Variants in FREM2 observed in about 807,000 individuals in gnomAD.
The protein encoded by FREM2 is FRAS1 related extracellular matrix 2.
Under a neutral mutation model 219.9 loss-of-function variants are expected in FREM2, and 119 were observed. The observed-to-expected ratio is 0.54, with a 90% confidence interval of 0.47 to 0.63. The LOEUF is 0.63. FREM2 is among the 30% of genes least tolerant of loss of function. The pLI is 0.00. For missense variants in FREM2, 4,030 were observed against 3,993.6 expected (o/e 1.01, Z -0.25); for synonymous variants, 1,562 against 1,522.8 (o/e 1.03, Z -0.60).
chr13:38,878,530 A>G (rs568923718), intron 22 of FREM2, among the ~76,000 whole-genome samples: 187 of 151,604 alleles, frequency 1.2e-3, no homozygotes, highest in African/African-American at 4.4e-3. Flanking sequence ...ATTTTAAAAA[A>G]TTAGCCGAGC....
At chr13:38,837,269 C>T (rs1876749543) in intron 6 of FREM2, among the ~76,000 whole-genome samples, 1 of 152,102 alleles carries the variant, frequency 6.6e-6, no homozygotes, top group Non-Finnish European at 1.5e-5. Flanking sequence ...GTTTCTTAAT[C>T]CTGAGTTCTA....
chr13:38,693,398 G>A (rs1014535154), intron 1 of FREM2, among the ~76,000 whole-genome samples: 1 of 152,196 alleles, frequency 6.6e-6, no homozygotes, highest in Admixed American at 6.5e-5. Context: ...CGGTCTTTAG[G>A]CAACAGGATT....
chr13:38,749,562 A>T (rs1872640284), intron 2 of FREM2, among the ~76,000 whole-genome samples: 1 of 152,136 alleles, frequency 6.6e-6, no homozygotes, highest in Non-Finnish European at 1.5e-5. Context: ...TTGGGGCCAG[A>T]TAATTCTAAT....
intron 3 of FREM2, among the ~76,000 whole-genome samples, chr13:38,766,312 GTGGGGTTAACGGCAGTTCTACAAAGGCTC>G (rs1356428068): frequency 6.6e-6 from 1 of 151,916 alleles, no homozygotes; most frequent in Non-Finnish European, 1.5e-5. Context: ...TTCTACGAAT[GTGGGGTTAACGGCAGTTCTACAAAGGCTC>G]ATAGGCTTTA....
At chr13:38,784,270 G>T (rs1874237179) in intron 5 of FREM2, among the ~76,000 whole-genome samples, 1 of 152,186 alleles carries the variant, frequency 6.6e-6, no homozygotes, top group African/African-American at 2.4e-5. Context: ...GTAAGCTTTA[G>T]AATAGTAGGG....
chr13:38,874,422 CTG>C, intron 17 of FREM2, 58 bp from the exon 18 acceptor site: 1 of 1,317,928 alleles, frequency 7.6e-7, no homozygotes, highest in Non-Finnish European at 1.1e-6. Context: ...TGGAAGGAAT[CTG>C]TACATAAGGG....
At chr13:38,869,162 G>A (rs1260434551) in intron 16 of FREM2, among the ~76,000 whole-genome samples, 2 of 152,188 alleles carry the variant, frequency 1.3e-5, no homozygotes, top group Non-Finnish European at 2.9e-5. Flanking sequence ...TTTTTTAAAT[G>A]TGTTCTTAGT....
intron 6 of FREM2, among the ~76,000 whole-genome samples, chr13:38,789,070 CA>C (rs1361250833): frequency 6.6e-6 from 1 of 151,838 alleles, no homozygotes; most frequent in African/African-American, 2.4e-5. Context: ...AGTATTTTTG[CA>C]TGTATATGGG....
chr13:38,734,738 CTTTTTTTT>C (rs11314517), intron 2 of FREM2, among the ~76,000 whole-genome samples: 5 of 89,394 alleles, frequency 5.6e-5, no homozygotes, highest in African/African-American at 1.3e-4. Context: ...CAGTGCTATA[CTTTTTTTT>C]TTTTTTTTTT....
chr13:38,785,611 C>T (rs911740973), intron 6 of FREM2, among the ~76,000 whole-genome samples: 2 of 152,092 alleles, frequency 1.3e-5, no homozygotes, highest in African/African-American at 2.4e-5. Context: ...AGTCAAAAGA[C>T]CAAACTGAGG....
At chr13:38,695,032 A>G (rs1286392614) in intron 1 of FREM2, among the ~76,000 whole-genome samples, 1 of 152,252 alleles carries the variant, frequency 6.6e-6, no homozygotes, top group Non-Finnish European at 1.5e-5. Flanking sequence ...ATAATTTTGT[A>G]GATAAACTGA....
intron 17 of FREM2, among the ~76,000 whole-genome samples, chr13:38,873,144 A>G (rs1362071695): frequency 6.6e-6 from 1 of 152,178 alleles, no homozygotes; most frequent in Non-Finnish European, 1.5e-5. Flanking sequence ...TGATTATTAA[A>G]TATGACTTTA....
intron 6 of FREM2, among the ~76,000 whole-genome samples, chr13:38,844,421 C>T (rs1399008905): frequency 6.6e-6 from 1 of 152,156 alleles, no homozygotes; most frequent in African/African-American, 2.4e-5. Context: ...CAGAGTACTA[C>T]ACCCATAAGA....
At chr13:38,805,494 G>A (rs529284043) in intron 6 of FREM2, among the ~76,000 whole-genome samples, 1 of 152,056 alleles carries the variant, frequency 6.6e-6, no homozygotes, top group African/African-American at 2.4e-5. Context: ...TACCTGCAGG[G>A]CATGCAGGTG....
chr13:38,832,306 TA>T (rs1876541485), intron 6 of FREM2, among the ~76,000 whole-genome samples: 1 of 152,130 alleles, frequency 6.6e-6, no homozygotes, highest in African/African-American at 2.4e-5. Flanking sequence ...AGGCCATGCC[TA>T]AATTATTTAA....
At chr13:38,847,590 G>A (rs1045110910) in intron 7 of FREM2, among the ~76,000 whole-genome samples, 1 of 151,958 alleles carries the variant, frequency 6.6e-6, no homozygotes, top group African/African-American at 2.4e-5. Context: ...AGGGGAAGAA[G>A]CAGAGGAAAA....
At position 38,859,468 on chromosome 13, in the gene FREM2, C is replaced by T. The variant is rs765998789; in HGVS notation, c.7397C>T (p.Thr2466Ile). 6.2e-7 allele frequency: 1 copy of T among 1,614,100 alleles called. No homozygotes were observed. The change falls in exon 14 of 24, where the codon ACA (threonine) becomes ATA (isoleucine). Residue 2466 changes from threonine (T) to isoleucine (I), a missense_variant. Around this residue, in one of 2 missense-constraint regions of FREM2, gnomAD observed 928 missense variants for 1,042.9 expected, o/e 0.89. Transcript: ENST00000280481. Reference sequence around the variant, plus strand: ...TTTTTTACGTCATCCAAGATGGTCACACTGGACTCCATATACTTTCAGCCT... The same window carrying T: ...TTTTTTACGTCATCCAAGATGGTCATACTGGACTCCATATACTTTCAGCCT... Reference protein sequence around the residue: ...DTFFTSSKMVTLDSIYFQPGS... With the variant: ...DTFFTSSKMVILDSIYFQPGS...
At chr13:38,829,326 C>T (rs953488243) in intron 6 of FREM2, among the ~76,000 whole-genome samples, 10 of 152,058 alleles carry the variant, frequency 6.6e-5, no homozygotes, top group African/African-American at 1.7e-4. Context: ...TATCATATCC[C>T]GTAGTATGAT....
At position 38,864,452 on chromosome 13, in the gene FREM2, A is replaced by G; in HGVS notation, c.7829A>G (p.Tyr2610Cys). ...AATCCAGAAATAATTGGAGAGACAT[A>G]TCCTTACCAGTACAGCTTGTCCATC... is the stretch of plus-strand genomic sequence containing the variant. ...TKNPEIIGET[Y>C]PYQYSLSIRG... Residue 2610 changes from tyrosine to cysteine, a missense_variant, in exon 16 of 24, where the codon TAT becomes TGT. Tyr to Cys is a radical substitution (Grantham distance 194). Around this residue, in one of 2 missense-constraint regions of FREM2, gnomAD observed 928 missense variants for 1,042.9 expected, o/e 0.89. Transcript: ENST00000280481. 1 of 1,614,158 alleles carries G rather than the reference A, an allele frequency of 6.2e-7. No individual in the cohort carries two copies. The highest frequency in any genetic ancestry group is 1.1e-5 in the South Asian group (1 of 91,082).
Sources: allele counts gnomAD v4.1 joint callset (sites outside exome capture counted in the v4.1 genomes callset), GRCh38; gene constraint gnomAD v4.1.1; regional missense constraint gnomAD v4.1.1; transcripts MANE v1.5; gene names NCBI Gene and HGNC (gene_info 2026-07-23, HGNC 2026-07-21).